Variants in CATSPERB observed in about 807,000 individuals in gnomAD.
CATSPERB encodes the protein catsper channel auxiliary subunit beta, also known as cation channel sperm-associated auxiliary subunit beta.
In CATSPERB, 93 loss-of-function variants were observed where a neutral mutation model predicts 128.3. That is an observed-to-expected ratio of 0.72 (90% CI 0.61 to 0.86). The LOEUF (loss-of-function observed/expected upper bound fraction) is 0.86. Ranked by LOEUF, CATSPERB falls within the 40% of genes least tolerant of loss-of-function variation. CATSPERB has a pLI of 0.00. For synonymous variants in CATSPERB, 381 were observed against 448.8 expected (o/e 0.85, Z 1.91); for missense variants, 1,153 against 1,329.5 (o/e 0.87, Z 2.06).
At chr14:91,593,544 T>G (rs1450095297) in intron 22 of CATSPERB, among the ~76,000 whole-genome samples, 1 of 152,244 alleles carries the variant, frequency 6.6e-6, no homozygotes, top group East Asian at 1.9e-4. Flanking sequence ...CTATAACCCC[T>G]TGGTTTTGGC....
At chr14:91,598,857 CA>C (rs377460093) in intron 22 of CATSPERB, among the ~76,000 whole-genome samples, 18,203 of 109,982 alleles carry the variant, frequency 0.17, 1,244 homozygotes, top group Non-Finnish European at 0.19. Context: ...GACTCTGTCT[CA>C]AAAAAAAAAA....
intron 7 of CATSPERB, among the ~76,000 whole-genome samples, chr14:91,695,185 A>G (rs1895541763): frequency 6.8e-6 from 1 of 146,360 alleles, no homozygotes; most frequent in Admixed American, 7.0e-5. Context: ...GCTGGGGTGC[A>G]GTGGCGCAAT....
chr14:91,700,076 C>T (rs1271412370), intron 7 of CATSPERB, among the ~76,000 whole-genome samples: 1 of 152,006 alleles, frequency 6.6e-6, no homozygotes, highest in Admixed American at 6.5e-5. Flanking sequence ...AATGCTATCC[C>T]TCCTTTTGTC....
intron 11 of CATSPERB, among the ~76,000 whole-genome samples, chr14:91,675,109 T>C (rs1387415925): frequency 6.6e-6 from 1 of 152,216 alleles, no homozygotes; most frequent in African/African-American, 2.4e-5. Context: ...GTAGTCCCTT[T>C]AGGGAGTCTG....
At chr14:91,675,841 C>A (rs1331598430) in intron 11 of CATSPERB, among the ~76,000 whole-genome samples, 1 of 152,152 alleles carries the variant, frequency 6.6e-6, no homozygotes, top group African/African-American at 2.4e-5. Flanking sequence ...TTCTCGGACC[C>A]CAAAGTACTT....
chr14:91,723,306 T>C (rs1896065419), intron 3 of CATSPERB, 117 bp from the exon 4 acceptor site: 1 of 637,072 alleles, frequency 1.6e-6, no homozygotes, highest in Admixed American at 4.1e-5. Flanking sequence ...AATATATATA[T>C]TTATACAAGT....
At chr14:91,659,732 A>C (rs1894842211) in intron 15 of CATSPERB, 105 bp downstream of exon 15, 1 of 1,089,068 alleles carries the variant, frequency 9.2e-7, no homozygotes, top group Admixed American at 2.7e-5. Context: ...CACCCCTAAT[A>C]GTTTTGAGGT....
intron 19 of CATSPERB, among the ~76,000 whole-genome samples, chr14:91,619,121 G>A (rs983803185): frequency 1.3e-5 from 2 of 152,154 alleles, no homozygotes; most frequent in African/African-American, 4.8e-5. Context: ...CGGTGTTGGT[G>A]ACAGAATATA....
At chr14:91,728,134 T>TA (rs1896149263) in intron 2 of CATSPERB, among the ~76,000 whole-genome samples, 2 of 152,250 alleles carry the variant, frequency 1.3e-5, no homozygotes, top group South Asian at 4.1e-4. Flanking sequence ...GTTTGTTTGA[T>TA]ATAGGGTGTT....
intron 5 of CATSPERB, among the ~76,000 whole-genome samples, chr14:91,711,317 A>G (rs376204135): frequency 2.0e-5 from 3 of 152,138 alleles, no homozygotes; most frequent in Non-Finnish European, 4.4e-5. Flanking sequence ...TGCAACCCCC[A>G]CTTTCTGGGT....
chr14:91,625,013 A>C lies in CATSPERB; in HGVS notation c.1743-6T>G. 6.4e-7 allele frequency: 1 copy of C among 1,557,376 alleles called. No individual in the cohort carries two copies. Among genetic ancestry groups the C allele is most frequent in the Non-Finnish European group, 8.6e-7 (1 of 1,157,450 alleles). ...TGTAAGCTCTTCCAGTTTTCCTAAA[A>C]ACAAATAAAACCATTAAGCAATTTG... On this transcript the variant is annotated splice_region_variant and splice_polypyrimidine_tract_variant and intron_variant, in intron 17 of 26. Transcript: ENST00000256343.
chr14:91,608,354 A>T lies in CATSPERB; in HGVS notation c.2649T>A (p.Asp883Glu). Residue 883 changes from aspartate (D) to glutamate (E), a missense_variant, in exon 22 of 27, where the codon GAT becomes GAA. Physicochemically the swap from Asp to Glu is conservative, Grantham distance 45. Coordinates refer to ENST00000256343, the MANE Select transcript of CATSPERB (RefSeq NM_024764.4). Reference sequence around the variant, plus strand: ...TGCTAGGATCTGCATGATAAAAATTATCTGTGAGTGGAATAGCAATTCCCA... The same window carrying T: ...TGCTAGGATCTGCATGATAAAAATTTTCTGTGAGTGGAATAGCAATTCCCA... The part of the protein sequence containing the change: ...SNMGIAIPLT[D>E]NFYHADPSKP... 1 of 1,612,676 alleles carries T rather than the reference A, an allele frequency of 6.2e-7. No individual in the cohort carries two copies. The highest frequency in any genetic ancestry group is 8.5e-7 in the Non-Finnish European group (1 of 1,178,850).
At chr14:91,709,539 A>AAAAAAAAAAT in intron 5 of CATSPERB, 1 of 147,040 alleles carries the variant, frequency 6.8e-6, no homozygotes, top group South Asian at 2.2e-4. Context: ...AAAAAAAAAA[A>AAAAAAAAAAT]AAATTAGCCG....
chr14:91,621,344 G>A (rs537276676), intron 19 of CATSPERB, among the ~76,000 whole-genome samples: 1 of 152,324 alleles, frequency 6.6e-6, no homozygotes, highest in African/African-American at 2.4e-5. Context: ...AGGCTGCAGT[G>A]ATCCAAGACT....
intron 14 of CATSPERB, among the ~76,000 whole-genome samples, chr14:91,660,322 G>C (rs141105301): frequency 2.1e-4 from 32 of 152,230 alleles, no homozygotes; most frequent in Admixed American, 2.0e-4. Flanking sequence ...TGGAGTGCTG[G>C]GTGCATTTGG....
intron 7 of CATSPERB, among the ~76,000 whole-genome samples, chr14:91,703,983 G>T (rs556451990): frequency 6.6e-6 from 1 of 152,082 alleles, no homozygotes; most frequent in Non-Finnish European, 1.5e-5. Flanking sequence ...TGGCTGGAGA[G>T]GGGGGTCTGT....
chr14:91,605,006 G>T, intron 22 of CATSPERB: 1 of 1,160,868 alleles, frequency 8.6e-7, no homozygotes, highest in Non-Finnish European at 1.3e-6. Context: ...AAACAGCTGT[G>T]TGGAAGAGAA....
rs577594585 is a variant in CATSPERB, at chr14:91,717,848, T to C, written c.370+1570A>G. 3.7e-4 allele frequency among the ~76,000 whole-genome samples: 57 copies of C among 152,340 alleles called. No homozygotes were observed. The South Asian group carries it at 0.01, about 27-fold the overall frequency. ...TGATCTCCTTACCTCTGAACATTTT[T>C]CCCCTGATTTTTAGCATATTACTAT... On this transcript the variant is annotated intron_variant, in intron 5 of 26. Transcript: ENST00000256343.
At chr14:91,586,571 AAGAGAG>A (rs35756131) in intron 26 of CATSPERB, among the ~76,000 whole-genome samples, 1 of 114,192 alleles carries the variant, frequency 8.8e-6, no homozygotes, top group Non-Finnish European at 1.7e-5. Context: ...GAGAGAGAGA[AAGAGAG>A]AGAGAGAGAG....
Sources: gnomAD v4.1 joint callset for allele counts (sites outside exome capture counted in the v4.1 genomes callset) on GRCh38, gnomAD v4.1.1 for gene constraint, MANE v1.5 for transcripts, NCBI Gene and HGNC (gene_info 2026-07-23, HGNC 2026-07-21) for gene names.